ABTB3: variants seen among roughly 807,000 people sequenced by gnomAD.
ABTB3 encodes ankyrin repeat and BTB domain containing 3, also known as ankyrin repeat- and BTB/POZ domain-containing protein 3.
chr12:107,453,337 C>G, the ABTB3 span, among the ~76,000 whole-genome samples: 1 of 152,170 alleles, frequency 6.6e-6, no homozygotes, highest in South Asian at 2.1e-4. Flanking sequence ...GAAATTCTAA[C>G]CCCCAAGGTG....
the ABTB3 span, among the ~76,000 whole-genome samples, chr12:107,327,414 G>GTTT: frequency 1.3e-5 from 2 of 152,130 alleles, no homozygotes; most frequent in Non-Finnish European, 2.9e-5. Context: ...ATTGTTTGGG[G>GTTT]TTTAGACATA....
chr12:107,617,019 G>C, the ABTB3 span: 4 of 1,499,700 alleles, frequency 2.7e-6, no homozygotes, highest in African/African-American at 4.1e-5. Flanking sequence ...ACCCATCCCA[G>C]CAGTCTTTCC....
chr12:107,438,332 C>T, the ABTB3 span, among the ~76,000 whole-genome samples: 1 of 152,130 alleles, frequency 6.6e-6, no homozygotes, highest in African/African-American at 2.4e-5. Flanking sequence ...GGATAGTTTG[C>T]AAGTCATGCG....
At chr12:107,628,133 G>T in the ABTB3 span, among the ~76,000 whole-genome samples, 6,705 of 152,100 alleles carry the variant, frequency 0.044, 218 homozygotes, top group Non-Finnish European at 0.068. Context: ...GTAGAGGTGG[G>T]TCTTTTTTTG....
chr12:107,392,347 C>T, the ABTB3 span, among the ~76,000 whole-genome samples: 1 of 152,054 alleles, frequency 6.6e-6, no homozygotes. Context: ...TTAACTGTTC[C>T]TGGGGATCTG....
At chr12:107,420,568 C>G in the ABTB3 span, among the ~76,000 whole-genome samples, 1 of 152,180 alleles carries the variant, frequency 6.6e-6, no homozygotes, top group South Asian at 2.1e-4. Flanking sequence ...CCTCCCATGA[C>G]ATGTAGGGAT....
At chr12:107,649,169 C>A in the ABTB3 span, 1 of 1,574,200 alleles carries the variant, frequency 6.4e-7, no homozygotes, top group Non-Finnish European at 8.7e-7. Flanking sequence ...GATGATGCGT[C>A]TTTGCTGTTG....
chr12:107,446,988 G>T, the ABTB3 span, among the ~76,000 whole-genome samples: 1 of 152,206 alleles, frequency 6.6e-6, no homozygotes. Context: ...TTCTTTGAAA[G>T]GTTATCACCC....
the ABTB3 span, among the ~76,000 whole-genome samples, chr12:107,473,887 C>T: frequency 6.6e-6 from 1 of 151,658 alleles, no homozygotes; most frequent in East Asian, 1.9e-4. Context: ...CTGCAACCTC[C>T]GTCTCCCAGA....
the ABTB3 span, among the ~76,000 whole-genome samples, chr12:107,502,237 G>C: frequency 6.6e-6 from 1 of 151,760 alleles, no homozygotes; most frequent in Non-Finnish European, 1.5e-5. Context: ...GCTAATTTTT[G>C]TATATTTTTT....
chr12:107,346,877 A>G, the ABTB3 span, among the ~76,000 whole-genome samples: 2 of 152,210 alleles, frequency 1.3e-5, no homozygotes, highest in Admixed American at 1.3e-4. Flanking sequence ...AAAGTATCAC[A>G]TCTCCATTCT....
chr12:107,387,729 C>T, the ABTB3 span, among the ~76,000 whole-genome samples: 1 of 152,166 alleles, frequency 6.6e-6, no homozygotes, highest in Admixed American at 6.5e-5. Flanking sequence ...ACCACCAGGC[C>T]ATAGCAGTGA....
At chr12:107,362,367 T>C in the ABTB3 span, among the ~76,000 whole-genome samples, 1 of 152,156 alleles carries the variant, frequency 6.6e-6, no homozygotes, top group Non-Finnish European at 1.5e-5. Context: ...CCCAAACTCA[T>C]TAATGAGATG....
At chr12:107,457,464 C>G in the ABTB3 span, among the ~76,000 whole-genome samples, 2 of 152,330 alleles carry the variant, frequency 1.3e-5, no homozygotes, top group East Asian at 3.9e-4. Flanking sequence ...GAAAGATTTC[C>G]TGACACTTCT....
At chr12:107,419,746 G>T in the ABTB3 span, among the ~76,000 whole-genome samples, 172 of 152,276 alleles carry the variant, frequency 1.1e-3, no homozygotes, top group Admixed American at 4.1e-3. Flanking sequence ...CTCAATGAAT[G>T]TTAGTTATTT....
the ABTB3 span, among the ~76,000 whole-genome samples, chr12:107,373,141 C>T: frequency 6.6e-6 from 1 of 152,186 alleles, no homozygotes; most frequent in Non-Finnish European, 1.5e-5. Flanking sequence ...TGGCCTAGAA[C>T]AACATTGGCA....
chr12:107,440,673 C>T, the ABTB3 span, among the ~76,000 whole-genome samples: 1 of 152,030 alleles, frequency 6.6e-6, no homozygotes, highest in Non-Finnish European at 1.5e-5. Flanking sequence ...CTGCCTAATA[C>T]AGCACCAGGA....
the ABTB3 span, among the ~76,000 whole-genome samples, chr12:107,565,746 C>T: frequency 6.6e-6 from 1 of 152,310 alleles, no homozygotes; most frequent in East Asian, 1.9e-4. Flanking sequence ...AACCCCTTTC[C>T]TTGGAGGGAG....
chr12:107,513,074 T>C, the ABTB3 span, among the ~76,000 whole-genome samples: 2 of 152,208 alleles, frequency 1.3e-5, no homozygotes, highest in East Asian at 1.9e-4. Context: ...TCCTACCATA[T>C]AGTGTGGCTG....
Sources: gnomAD v4.1 joint callset for allele counts (sites outside exome capture counted in the v4.1 genomes callset) on GRCh38, gnomAD v4.1.1 for gene constraint, MANE v1.5 for transcripts, NCBI Gene and HGNC (gene_info 2026-07-23, HGNC 2026-07-21) for gene names.